Variants in DNAJC1 observed in about 807,000 individuals in gnomAD.
DNAJC1 encodes the protein dnaJ homolog subfamily C member 1.
Under a neutral mutation model 76.6 loss-of-function variants are expected in DNAJC1, and 58 were observed. That is an observed-to-expected ratio of 0.76 (90% CI 0.61 to 0.94). The LOEUF is 0.94. Ranked by LOEUF, DNAJC1 falls within the 40% of genes least tolerant of loss-of-function variation. The pLI is 0.00. For missense variants in DNAJC1, 689 were observed against 677.3 expected, an observed-to-expected ratio of 1.02 and a Z score of -0.19; for synonymous variants, 258 against 267.9, an observed-to-expected ratio of 0.96 and a Z score of 0.36.
chr10:21,895,689 T>G (rs143964172), intron 7 of DNAJC1, among the ~76,000 whole-genome samples: 1 of 152,098 alleles, frequency 6.6e-6, no homozygotes, highest in Non-Finnish European at 1.5e-5. Flanking sequence ...AGATTTAATA[T>G]GAATAGAAGG....
chr10:22,003,380 G>T lies in DNAJC1; in HGVS notation c.55C>A (p.Leu19Met). 2 of 1,388,326 alleles carry T rather than the reference G, an allele frequency of 1.4e-6. No homozygotes were observed. Among genetic ancestry groups the T allele is most frequent in the Non-Finnish European group, 1.9e-6 (2 of 1,073,710 alleles). 86.0% of individuals were successfully genotyped at this position (1,388,326 alleles called of 1,614,324 possible). A position where few individuals can be genotyped will look rare whatever the true frequency, so the allele number is the denominator to read the frequency against. ...GGCGGCGGCGGCGGGAACGGCACCA[G>T]CCCGAGCTGGCGGCGTCCAGGAAGC... Reference protein sequence around the residue: ...AQLPGRRQLGLVPFPPPPPRT... With the variant: ...AQLPGRRQLGMVPFPPPPPRT... The change falls in exon 1 of 12, where the codon CTG becomes ATG. Residue 19 changes from leucine (L) to methionine (M), a missense_variant. Physicochemically the swap from Leu to Met is conservative, Grantham distance 15. Coordinates refer to ENST00000376980, the MANE Select transcript of DNAJC1 (RefSeq NM_022365.4).
At chr10:21,772,702 T>C (rs1408649819) in intron 9 of DNAJC1, among the ~76,000 whole-genome samples, 1 of 152,172 alleles carries the variant, frequency 6.6e-6, no homozygotes, top group Non-Finnish European at 1.5e-5. Context: ...GTTTCACTGA[T>C]TTTCTCTATT....
At chr10:21,837,561 C>T (rs1475282183) in intron 8 of DNAJC1, among the ~76,000 whole-genome samples, 20 of 151,622 alleles carry the variant, frequency 1.3e-4, no homozygotes, top group East Asian at 3.9e-4. Flanking sequence ...TGCCTGGCCG[C>T]GACCCCATAT....
At chr10:21,977,376 C>A (rs1228820534) in intron 1 of DNAJC1, among the ~76,000 whole-genome samples, 1 of 152,146 alleles carries the variant, frequency 6.6e-6, no homozygotes. Flanking sequence ...CAACTATTAG[C>A]AGGTTTTCTT....
At chr10:21,780,455 A>G (rs1282835250) in intron 9 of DNAJC1, among the ~76,000 whole-genome samples, 1 of 152,226 alleles carries the variant, frequency 6.6e-6, no homozygotes, top group Non-Finnish European at 1.5e-5. Flanking sequence ...ATTCTTAAAG[A>G]AAAGAATTTT....
intron 7 of DNAJC1, among the ~76,000 whole-genome samples, chr10:21,894,286 G>A (rs1318220912): frequency 1.3e-5 from 2 of 152,084 alleles, no homozygotes; most frequent in Admixed American, 6.6e-5. Flanking sequence ...AATAGAAGAG[G>A]AAGGCTGGGC....
intron 8 of DNAJC1, among the ~76,000 whole-genome samples, chr10:21,834,549 G>T (rs1011845673): frequency 6.6e-6 from 1 of 152,230 alleles, no homozygotes; most frequent in African/African-American, 2.4e-5. Flanking sequence ...AGCCCAAGGG[G>T]TCAGGGAATT....
chr10:21,884,465 T>C (rs948223959), intron 7 of DNAJC1, among the ~76,000 whole-genome samples: 2 of 152,170 alleles, frequency 1.3e-5, no homozygotes, highest in Non-Finnish European at 2.9e-5. Flanking sequence ...GGAAATGTAT[T>C]ATTCTATTAG....
At chr10:21,975,033 G>T (rs1362054390) in intron 1 of DNAJC1, among the ~76,000 whole-genome samples, 1 of 151,890 alleles carries the variant, frequency 6.6e-6, no homozygotes, top group African/African-American at 2.4e-5. Context: ...AAAATGGTAT[G>T]GAAGTATATA....
intron 9 of DNAJC1, among the ~76,000 whole-genome samples, chr10:21,771,086 T>C (rs1321812505): frequency 6.6e-6 from 1 of 152,224 alleles, no homozygotes; most frequent in Non-Finnish European, 1.5e-5. Flanking sequence ...AATTTCATTT[T>C]CAAGTTGTTC....
At chr10:21,894,736 G>C (rs910442271) in intron 7 of DNAJC1, among the ~76,000 whole-genome samples, 1 of 152,182 alleles carries the variant, frequency 6.6e-6, no homozygotes, top group Non-Finnish European at 1.5e-5. Flanking sequence ...TCTGCACAGA[G>C]GTGGAGCCTT....
chr10:21,893,656 T>C (rs1240803762), intron 7 of DNAJC1, among the ~76,000 whole-genome samples: 1 of 151,418 alleles, frequency 6.6e-6, no homozygotes, highest in Non-Finnish European at 1.5e-5. Flanking sequence ...AATCAAAATA[T>C]ATGAGACATA....
At chr10:21,998,999 T>C (rs1038909922) in intron 1 of DNAJC1, among the ~76,000 whole-genome samples, 8 of 152,220 alleles carry the variant, frequency 5.3e-5, no homozygotes, top group Non-Finnish European at 1.0e-4. Flanking sequence ...AAGTTCTAAG[T>C]CATCTGTTAT....
chr10:21,929,216 A>G (rs1837180497), intron 1 of DNAJC1, 75 bp from the exon 2 acceptor site: 1 of 1,047,972 alleles, frequency 9.5e-7, no homozygotes, highest in Non-Finnish European at 1.4e-6. Context: ...CCTTGTTAAG[A>G]TCTGAGAAGA....
intron 8 of DNAJC1, chr10:21,865,486 T>C (rs1012941494): frequency 6.6e-6 from 1 of 152,104 alleles, no homozygotes; most frequent in African/African-American, 2.4e-5. Context: ...TTACACTGTA[T>C]GATTATACAT....
intron 1 of DNAJC1, among the ~76,000 whole-genome samples, chr10:21,961,738 A>G (rs1385637128): frequency 2.0e-5 from 3 of 152,146 alleles, no homozygotes; most frequent in Non-Finnish European, 2.9e-5. Context: ...AATTTTTGTT[A>G]TACACATTTT....
In DNAJC1 at chr10:21,759,304, C is replaced by G. The variant is rs747281681; in HGVS notation, c.1462G>C (p.Glu488Gln). 10 of 1,614,256 alleles carry G rather than the reference C, an allele frequency of 6.2e-6. No homozygotes were observed. Among genetic ancestry groups the G allele is most frequent in the Non-Finnish European group, 8.5e-6 (10 of 1,180,048 alleles). The change falls in exon 11 of 12, where the codon GAG (glutamate) becomes CAG (glutamine). Residue 488 changes from glutamate (E) to glutamine (Q), a missense_variant. Coordinates refer to ENST00000376980, the MANE Select transcript of DNAJC1 (RefSeq NM_022365.4). The stretch of plus-strand genomic sequence containing the variant: ...GGCTCCTCTGCAGACCGAGCTCTCT[C>G]TTTTCTCAGGCTCTCCTCGTCGCTG... ...ESSDEESLRK[E>Q]RARSAEEPWT...
intron 7 of DNAJC1, among the ~76,000 whole-genome samples, chr10:21,889,963 C>T (rs1170605735): frequency 3.3e-5 from 5 of 152,198 alleles, no homozygotes; most frequent in Admixed American, 6.5e-5. Context: ...GGCACCCAAC[C>T]TCCCCACCAG....
chr10:21,830,596 T>C (rs982318448), intron 8 of DNAJC1, among the ~76,000 whole-genome samples: 5 of 152,222 alleles, frequency 3.3e-5, no homozygotes, highest in Non-Finnish European at 5.9e-5. Flanking sequence ...CAGTATACTA[T>C]GTACTACTCA....
Sources: allele counts gnomAD v4.1 joint callset (sites outside exome capture counted in the v4.1 genomes callset), GRCh38; gene constraint gnomAD v4.1.1; transcripts MANE v1.5; gene names NCBI Gene and HGNC (gene_info 2026-07-23, HGNC 2026-07-21).